The following GDPD5 variants were observed in gnomAD, a reference collection of about 807,000 sequenced individuals.
The protein encoded by GDPD5 is glycerophosphodiester phosphodiesterase 2.
Under a neutral mutation model 75.1 loss-of-function variants are expected in GDPD5, and 48 were observed. That is an observed-to-expected ratio of 0.64 (90% CI 0.51 to 0.81). GDPD5 has a LOEUF of 0.81. Ranked by LOEUF, GDPD5 falls within the 40% of genes least tolerant of loss-of-function variation. GDPD5 has a pLI of 0.00. For missense variants in GDPD5, 706 were observed against 822.6 expected, an observed-to-expected ratio of 0.86 and a Z score of 1.73; for synonymous variants, 336 against 339.0, an observed-to-expected ratio of 0.99 and a Z score of 0.10.
chr11:75,510,151 G>A (rs1455004095), intron 1 of GDPD5, among the ~76,000 whole-genome samples: 14 of 152,262 alleles, frequency 9.2e-5, no homozygotes, highest in Admixed American at 9.2e-4. Context: ...GGCAGCGGGA[G>A]GGCTGTCCCC....
At chr11:75,461,046 C>T (rs1644273176) in intron 4 of GDPD5, among the ~76,000 whole-genome samples, 1 of 152,090 alleles carries the variant, frequency 6.6e-6, no homozygotes, top group Non-Finnish European at 1.5e-5. Context: ...GCTGGAAAGG[C>T]TACTTAACCT....
intron 1 of GDPD5, among the ~76,000 whole-genome samples, chr11:75,524,378 T>C (rs61434228): frequency 6.6e-6 from 1 of 152,306 alleles, no homozygotes; most frequent in African/African-American, 2.4e-5. Flanking sequence ...AGATCCTAAC[T>C]GGGGAGGAGT....
intron 6 of GDPD5, among the ~76,000 whole-genome samples, chr11:75,453,453 C>G (rs1158395944): frequency 6.6e-6 from 1 of 152,014 alleles, no homozygotes; most frequent in East Asian, 1.9e-4. Flanking sequence ...CTCGTCTCTA[C>G]TAAAAATACA....
intron 6 of GDPD5, among the ~76,000 whole-genome samples, chr11:75,453,615 C>CT (rs1462501089): frequency 2.3e-5 from 2 of 85,532 alleles, no homozygotes; most frequent in African/African-American, 3.8e-5. Flanking sequence ...AAGACTGTCT[C>CT]TAAAAAAAAA....
rs760631109 is a variant in GDPD5, at chr11:75,439,895, T to C, written c.1540A>G (p.Ile514Val). The change falls in exon 15 of 17, where the codon ATC becomes GTC. Residue 514 changes from isoleucine to valine, a missense_variant. Physicochemically the swap from Ile to Val is conservative, Grantham distance 29. Coordinates refer to ENST00000336898, the MANE Select transcript of GDPD5 (RefSeq NM_030792.8). Reference protein sequence around the residue: ...DLVSFTLIVGIFVLQKWRLGG... With the variant: ...DLVSFTLIVGVFVLQKWRLGG... ...CCTACTCACTTCTGGAGCACGAAGA[T>C]GCCCACGATGAGGGTGAAGGAGACC... 2 of 1,613,868 alleles carry C rather than the reference T, an allele frequency of 1.2e-6. No homozygotes were observed. Among genetic ancestry groups the C allele is most frequent in the African/African-American group, 2.7e-5 (2 of 75,030 alleles).
At chr11:75,483,642 G>A (rs907253112) in intron 2 of GDPD5, among the ~76,000 whole-genome samples, 3 of 152,186 alleles carry the variant, frequency 2.0e-5, no homozygotes, top group Non-Finnish European at 4.4e-5. Context: ...CAGGGAATGA[G>A]GACTAAATGA....
intron 1 of GDPD5, among the ~76,000 whole-genome samples, chr11:75,498,522 T>A (rs1034411993): frequency 2.3e-5 from 2 of 88,574 alleles, no homozygotes; most frequent in Non-Finnish European, 4.3e-5. Context: ...ACTGATGCCC[T>A]CCGGGCTGGG....
intron 6 of GDPD5, among the ~76,000 whole-genome samples, chr11:75,456,372 C>T (rs762957992): frequency 6.6e-6 from 1 of 152,184 alleles, no homozygotes; most frequent in Non-Finnish European, 1.5e-5. Flanking sequence ...AGGTGAGACC[C>T]GAGGCAGGGC....
chr11:75,448,023 C>G (rs1247261871), intron 9 of GDPD5, among the ~76,000 whole-genome samples: 1 of 152,154 alleles, frequency 6.6e-6, no homozygotes, highest in East Asian at 1.9e-4. Context: ...GCCAGACTTC[C>G]AGAGTGAGTG....
chr11:75,458,673 A>AAAATAAAT lies in GDPD5; in HGVS notation c.222-895_222-888dup, dbSNP rs71036053. 4.1e-3 allele frequency among the ~76,000 whole-genome samples: 600 copies of AAAATAAAT among 147,390 alleles called. 5 individuals are homozygous for AAAATAAAT. The highest frequency in any genetic ancestry group is 0.014 in the Middle Eastern group (4 of 282). ...GGCGACAGTGTGAGACTCTGTCTCA[A>AAAATAAAT]AAATAAATAAATAAATAAATAAATA... On this transcript the variant is annotated intron_variant, in intron 4 of 16. Transcript: ENST00000336898.
At chr11:75,479,872 G>T (rs1592117787) in intron 2 of GDPD5, among the ~76,000 whole-genome samples, 4 of 152,172 alleles carry the variant, frequency 2.6e-5, no homozygotes, top group Admixed American at 2.6e-4. Flanking sequence ...CCATGTTGTA[G>T]CATGGATCAG....
At chr11:75,461,265 A>G (rs1949406808) in intron 4 of GDPD5, among the ~76,000 whole-genome samples, 1 of 152,094 alleles carries the variant, frequency 6.6e-6, no homozygotes, top group Non-Finnish European at 1.5e-5. Flanking sequence ...GAACGTTCCC[A>G]TTTACTCATG....
chr11:75,488,327 C>T (rs970946850), intron 2 of GDPD5, among the ~76,000 whole-genome samples: 5 of 152,178 alleles, frequency 3.3e-5, no homozygotes, highest in South Asian at 2.1e-4. Flanking sequence ...GCATCCCCCA[C>T]CCTCAGTTTG....
intron 12 of GDPD5, 73 bp from the exon 13 acceptor site, chr11:75,441,876 C>A: frequency 2.1e-6 from 3 of 1,444,406 alleles, no homozygotes; most frequent in Non-Finnish European, 2.8e-6. Context: ...CCTCCTAGAG[C>A]ACCTGTGGGG....
intron 2 of GDPD5, 124 bp from the exon 3 acceptor site, chr11:75,477,919 G>A (rs1468935239): frequency 1.4e-5 from 6 of 432,084 alleles, no homozygotes; most frequent in South Asian, 6.0e-5. Context: ...GTGGGGCTCC[G>A]TCTCACTTGG....
chr11:75,447,735 G>A (rs1036547361), intron 9 of GDPD5, among the ~76,000 whole-genome samples: 2 of 152,142 alleles, frequency 1.3e-5, no homozygotes, highest in African/African-American at 4.8e-5. Context: ...GAGACAGGAG[G>A]GGCCATCGTT....
chr11:75,450,206 G>A (rs562368448), intron 6 of GDPD5, among the ~76,000 whole-genome samples: 9 of 152,274 alleles, frequency 5.9e-5, no homozygotes, highest in African/African-American at 2.2e-4. Context: ...GCAGGAGGCC[G>A]GCAGACCCAG....
intron 1 of GDPD5, among the ~76,000 whole-genome samples, chr11:75,495,271 A>C (rs1388329751): frequency 6.6e-6 from 1 of 150,562 alleles, no homozygotes; most frequent in Non-Finnish European, 1.5e-5. Context: ...TCTGTCACAC[A>C]CACACACACA....
At chr11:75,486,860 G>A (rs1262826906) in intron 2 of GDPD5, among the ~76,000 whole-genome samples, 2 of 152,216 alleles carry the variant, frequency 1.3e-5, no homozygotes, top group Non-Finnish European at 2.9e-5. Context: ...GCAGCACAAA[G>A]GGGAGAAGGA....
Sources: allele counts gnomAD v4.1 joint callset (sites outside exome capture counted in the v4.1 genomes callset), GRCh38; gene constraint gnomAD v4.1.1; transcripts MANE v1.5; gene names NCBI Gene and HGNC (gene_info 2026-07-23, HGNC 2026-07-21).